The following PRKCQ variants were observed in gnomAD, a reference collection of about 807,000 sequenced individuals.
The protein encoded by PRKCQ is protein kinase C theta type.
Under a neutral mutation model 91.2 loss-of-function variants are expected in PRKCQ, and 41 were observed. The observed-to-expected ratio is 0.45, with a 90% CI of 0.35 to 0.58. The LOEUF (loss-of-function observed/expected upper bound fraction) is 0.58. Among genes scored for constraint, PRKCQ ranks in the 20% least tolerant of loss-of-function variants. The pLI is 0.00. For missense variants in PRKCQ, 673 were observed against 896.5 expected (o/e 0.75, Z 3.18); for synonymous variants, 307 against 316.9 (o/e 0.97, Z 0.33).
At chr10:6,451,367 A>G (rs1423208255) in intron 15 of PRKCQ, among the ~76,000 whole-genome samples, 1 of 152,192 alleles carries the variant, frequency 6.6e-6, no homozygotes, top group African/African-American at 2.4e-5. Context: ...CTCTCCCAAG[A>G]CTAAACCAGG....
chr10:6,502,560 C>A (rs1466684841), intron 4 of PRKCQ, among the ~76,000 whole-genome samples: 1 of 152,188 alleles, frequency 6.6e-6, no homozygotes, highest in East Asian at 1.9e-4. Context: ...AGACAATTTG[C>A]AGATGCTGGA....
intron 1 of PRKCQ, among the ~76,000 whole-genome samples, chr10:6,515,732 C>T (rs1304479112): frequency 1.3e-5 from 2 of 152,160 alleles, no homozygotes; most frequent in Admixed American, 6.5e-5. Context: ...CATCACAAAC[C>T]ACGTAGAAAA....
intron 11 of PRKCQ, among the ~76,000 whole-genome samples, chr10:6,479,609 G>A (rs1265561625): frequency 2.0e-5 from 3 of 151,916 alleles, no homozygotes; most frequent in South Asian, 4.2e-4. Context: ...GAAGAATGGA[G>A]GGATATAGTT....
In PRKCQ at chr10:6,498,689, C is replaced by G. The variant is rs891089573; in HGVS notation, c.380-131G>C. 20 of 794,782 alleles carry G rather than the reference C, an allele frequency of 2.5e-5. No homozygotes were observed. The Admixed American group carries it at 2.9e-4, about 11-fold the overall frequency. The allele number at this position is 794,782 out of a possible 1,614,324, so 49.2% of individuals were successfully genotyped here. ...AGCTCTGAGTACCTGCTGTAACATT[C>G]CAGGTACTCATTATGGTGGGTACCA... On this transcript the variant is annotated intron_variant, in intron 4 of 17. Coordinates refer to ENST00000263125, the MANE Select transcript of PRKCQ (RefSeq NM_006257.5).
chr10:6,508,299 AAG>A (rs34348897), intron 3 of PRKCQ, among the ~76,000 whole-genome samples: 59,348 of 151,978 alleles, frequency 0.39, 14,008 homozygotes, highest in Admixed American at 0.56. Flanking sequence ...AATAAGAAAG[AAG>A]ATGACTTGAA....
At chr10:6,553,673 C>T (rs950581742) in intron 1 of PRKCQ, among the ~76,000 whole-genome samples, 1 of 151,936 alleles carries the variant, frequency 6.6e-6, no homozygotes, top group African/African-American at 2.4e-5. Context: ...CTTGTAGATA[C>T]CTCCTTGGGA....
At chr10:6,439,771 G>A (rs1206649694) in intron 16 of PRKCQ, among the ~76,000 whole-genome samples, 1 of 152,132 alleles carries the variant, frequency 6.6e-6, no homozygotes, top group Non-Finnish European at 1.5e-5. Context: ...TTGACTTTGT[G>A]TTATTGGTAA....
At chr10:6,524,554 T>C (rs1839130008) in intron 1 of PRKCQ, among the ~76,000 whole-genome samples, 1 of 152,222 alleles carries the variant, frequency 6.6e-6, no homozygotes, top group South Asian at 2.1e-4. Flanking sequence ...CCTTCCAGAA[T>C]CTATAGAATT....
chr10:6,449,197 C>T (rs1406692119), intron 15 of PRKCQ, among the ~76,000 whole-genome samples: 1 of 141,482 alleles, frequency 7.1e-6, no homozygotes, highest in East Asian at 2.1e-4. Flanking sequence ...AAAATTTAGA[C>T]GAATGTATAA....
intron 3 of PRKCQ, among the ~76,000 whole-genome samples, chr10:6,508,608 CT>C (rs1407618941): frequency 2.4e-4 from 36 of 152,332 alleles, no homozygotes; most frequent in African/African-American, 7.7e-4. Flanking sequence ...AAGAAAAGTG[CT>C]TTTGACATGG....
At chr10:6,404,660 T>G in the PRKCQ span, among the ~76,000 whole-genome samples, 1 of 145,736 alleles carries the variant, frequency 6.9e-6, no homozygotes, top group Non-Finnish European at 1.5e-5. Flanking sequence ...TTTTTTCTCT[T>G]TTTCTTTCTC....
At chr10:6,551,653 C>CA (rs1840189833) in intron 1 of PRKCQ, among the ~76,000 whole-genome samples, 1 of 152,182 alleles carries the variant, frequency 6.6e-6, no homozygotes, top group Non-Finnish European at 1.5e-5. Flanking sequence ...GCCTCGGCCT[C>CA]CCAAAGTGCT....
At chr10:6,413,825 G>GCACACA in the PRKCQ span, among the ~76,000 whole-genome samples, 1 of 117,424 alleles carries the variant, frequency 8.5e-6, no homozygotes, top group East Asian at 2.2e-4. Flanking sequence ...TTGTGCGCGT[G>GCACACA]CACACACACA....
At chr10:6,411,773 G>T in the PRKCQ span, among the ~76,000 whole-genome samples, 2 of 152,126 alleles carry the variant, frequency 1.3e-5, no homozygotes, top group Non-Finnish European at 2.9e-5. Context: ...TTATGAGTTG[G>T]CTACTCATCA....
chr10:6,476,585 C>T (rs1836282146), intron 12 of PRKCQ, among the ~76,000 whole-genome samples: 3 of 152,190 alleles, frequency 2.0e-5, no homozygotes, highest in Admixed American at 2.0e-4. Context: ...TAAGCATTTA[C>T]ATCATCATTT....
At chr10:6,494,389 TTC>T (rs1335865350) in intron 7 of PRKCQ, among the ~76,000 whole-genome samples, 1 of 152,188 alleles carries the variant, frequency 6.6e-6, no homozygotes, top group Admixed American at 6.5e-5. Context: ...CCAGCCACTG[TTC>T]TCTGTCCATC....
chr10:6,553,361 G>A (rs1319565103), intron 1 of PRKCQ, among the ~76,000 whole-genome samples: 1 of 151,864 alleles, frequency 6.6e-6, no homozygotes, highest in Admixed American at 6.6e-5. Flanking sequence ...ATGGTAGTGT[G>A]TTCCTGTGGC....
intron 1 of PRKCQ, among the ~76,000 whole-genome samples, chr10:6,542,261 G>A (rs1723364308): frequency 6.6e-6 from 1 of 152,218 alleles, no homozygotes; most frequent in Non-Finnish European, 1.5e-5. Context: ...CAACAACCTG[G>A]AGTGGTGCTG....
At position 6,576,724 on chromosome 10, in the gene PRKCQ, A is replaced by G. The variant is rs755016169; in HGVS notation, c.-10+3487T>C. On this transcript the variant is annotated intron_variant, in intron 1 of 17. Transcript: ENST00000263125. This position sits in a 1 kb window ranked among gnomAD's most constrained non-coding sequence, Gnocchi z 4.2. ...ATTTTAAGTTATGTGTATTTTAACC[A>G]CAATAAAAAAGTTAACTGGTAGGTC... Among the ~76,000 whole-genome samples the G allele has an allele frequency of 9.2e-5, 14 of 152,258 alleles. No homozygotes were observed. The highest frequency in any genetic ancestry group is 1.9e-4 in the Non-Finnish European group (13 of 68,044).
Sources: allele counts gnomAD v4.1 joint callset (sites outside exome capture counted in the v4.1 genomes callset), GRCh38; gene constraint gnomAD v4.1.1; non-coding constraint Gnocchi (gnomAD v3.1); transcripts MANE v1.5; gene names NCBI Gene and HGNC (gene_info 2026-07-23, HGNC 2026-07-21).